Variants in PCDHGA11 observed in about 807,000 individuals in gnomAD.
PCDHGA11 encodes protocadherin gamma subfamily A, 11, also known as protocadherin gamma-A11.
PCDHGA11 carries 39 observed loss-of-function variants against 60.4 expected under a neutral mutation model. The observed-to-expected ratio is 0.65, with a 90% confidence interval of 0.50 to 0.84. The LOEUF (loss-of-function observed/expected upper bound fraction) is 0.84. PCDHGA11 is among the 40% of genes least tolerant of loss of function. The pLI is 0.00. For synonymous variants in PCDHGA11, 533 were observed against 510.3 expected, an observed-to-expected ratio of 1.04 and a Z score of -0.60; for missense variants, 1,165 against 1,197.7, an observed-to-expected ratio of 0.97 and a Z score of 0.40.
chr5:141,501,439 C>G (rs1245306644), intron 2 of PCDHGA11, among the ~76,000 whole-genome samples: 1 of 151,978 alleles, frequency 6.6e-6, no homozygotes, highest in Non-Finnish European at 1.5e-5. Context: ...TCCATTTCTT[C>G]CATTTTTACT....
intron 2 of PCDHGA11, among the ~76,000 whole-genome samples, chr5:141,496,888 TAA>T (rs35063790): frequency 6.7e-5 from 9 of 134,018 alleles, no homozygotes; most frequent in Non-Finnish European, 4.9e-5. Flanking sequence ...AAGTAACACT[TAA>T]AAAAAAAAAA....
Position 141,477,779 on chromosome 5 carries a change from A to G in PCDHGA11, c.2434-17028A>G, listed in dbSNP as rs781567883. ...CCTAGCCACCAACATCAGCGTGAAC[A>G]TATTTGTCACTGATCGCAATGACAA... On this transcript the variant is annotated intron_variant, in intron 1 of 3. Coordinates refer to ENST00000398587, the MANE Select transcript of PCDHGA11 (RefSeq NM_018914.3). This position sits in a 1 kb window ranked among gnomAD's most constrained non-coding sequence, Gnocchi z 4.9. 5.6e-6 allele frequency: 9 copies of G among 1,613,894 alleles called. No homozygotes were observed. Among genetic ancestry groups the G allele is most frequent in the South Asian group, 5.5e-5 (5 of 91,084 alleles).
Position 141,422,811 on chromosome 5 carries a change from C to T in PCDHGA11, c.1584C>T (p.Asp528=), listed in dbSNP as rs748248571. The change falls in exon 1 of 4, where the codon GAC becomes GAT. Residue 528 remains aspartate, a synonymous_variant. Coordinates refer to ENST00000398587, the MANE Select transcript of PCDHGA11 (RefSeq NM_018914.3). ...LQSFDYEQFR[D]LELRVIARDS... ...CCTTCGACTATGAGCAGTTTCGAGACTTAGAACTGAGAGTGATAGCACGTG... is the reference window on the plus strand; with the variant it reads ...CCTTCGACTATGAGCAGTTTCGAGATTTAGAACTGAGAGTGATAGCACGTG... 1 of 1,614,248 alleles carries T rather than the reference C, an allele frequency of 6.2e-7. No homozygotes were observed. Among genetic ancestry groups the T allele is most frequent in the Non-Finnish European group, 8.5e-7 (1 of 1,180,046 alleles).
chr5:141,423,300 G>T lies in PCDHGA11; in HGVS notation c.2073G>T (p.Ser691=). 2 of 1,614,146 alleles carry T rather than the reference G, an allele frequency of 1.2e-6. No homozygotes were observed. The highest frequency in any genetic ancestry group is 1.3e-5 in the African/African-American group (1 of 75,072). The stretch of plus-strand genomic sequence containing the variant: ...CTAACTCTGAAACCTCAGACCTCTC[G>T]CTGTACTTGGTGGTGGCGGTGGCCG... The part of the protein sequence containing the change: ...SLANSETSDL[S]LYLVVAVAAV... The change falls in exon 1 of 4, where the codon TCG becomes TCT. Residue 691 remains serine, a synonymous_variant. Coordinates refer to ENST00000398587, the MANE Select transcript of PCDHGA11 (RefSeq NM_018914.3).
rs1212478322 is a variant in PCDHGA11 at position 141,485,871 on chromosome 5, T to G, written c.2434-8936T>G. ...ACCGCAGAGCTCCGGGTATCCGTGC[T>G]GGACGTAAACGACAACGCCCCAGCC... On this transcript the variant is annotated intron_variant, in intron 1 of 3. Coordinates refer to ENST00000398587, the MANE Select transcript of PCDHGA11 (RefSeq NM_018914.3). The surrounding 1 kb of genome is among the most constrained non-coding windows in gnomAD (Gnocchi z 5.7). 6.2e-7 allele frequency: 1 copy of G among 1,614,196 alleles called. No homozygotes were observed. The highest frequency in any genetic ancestry group is 8.5e-7 in the Non-Finnish European group (1 of 1,180,032).
Position 141,476,176 on chromosome 5 carries a change from G to C in PCDHGA11, c.2434-18631G>C, listed in dbSNP as rs778169270. 1 of 1,613,530 alleles carries C rather than the reference G, an allele frequency of 6.2e-7. No homozygotes were observed. The highest frequency in any genetic ancestry group is 8.5e-7 in the Non-Finnish European group (1 of 1,180,006). On this transcript the variant is annotated intron_variant, in intron 1 of 3. Transcript: ENST00000398587. The surrounding 1 kb of genome is among the most constrained non-coding windows in gnomAD (Gnocchi z 7.6). ...GCACCGGGAGGGTAGTGGGAGTTTT[G>C]CTTCTGCTTGGTGCCTTGAACAAGG...
Position 141,491,573 on chromosome 5 carries a change from T to G in PCDHGA11, c.2434-3234T>G. The G allele has an allele frequency of 6.2e-7, 1 of 1,613,912 alleles. No individual in the cohort carries two copies. The highest frequency in any genetic ancestry group is 8.5e-7 in the Non-Finnish European group (1 of 1,180,030). The stretch of plus-strand genomic sequence containing the variant: ...CAGAGCCACTGCTACAGGACGTGCT[T>G]TTCACCGGCCTCGGACGGCAGTGAC... On this transcript the variant is annotated intron_variant, in intron 1 of 3. Transcript: ENST00000398587. The surrounding 1 kb of genome is among the most constrained non-coding windows in gnomAD (Gnocchi z 6.9).
intron 2 of PCDHGA11, among the ~76,000 whole-genome samples, chr5:141,502,625 T>G (rs2099815384): frequency 6.6e-6 from 1 of 152,210 alleles, no homozygotes; most frequent in Admixed American, 6.5e-5. Context: ...ATAAGTAATC[T>G]GTGGATGATA....
intron 2 of PCDHGA11, among the ~76,000 whole-genome samples, chr5:141,503,203 A>G (rs10477147): frequency 0.037 from 5,590 of 152,130 alleles, 132 homozygotes; most frequent in South Asian, 0.073. Flanking sequence ...TCAGCCTCTC[A>G]GTGCCCACCA....
At chr5:141,460,034 C>T (rs1463167810) in intron 1 of PCDHGA11, among the ~76,000 whole-genome samples, 1 of 152,116 alleles carries the variant, frequency 6.6e-6, no homozygotes, top group African/African-American at 2.4e-5. Context: ...GCCGAGACTG[C>T]ACCACTGCAC....
rs1375121802 is a variant in PCDHGA11 at position 141,432,471 on chromosome 5, G to A, written c.2433+8811G>A. 2 of 1,614,094 alleles carry A rather than the reference G, an allele frequency of 1.2e-6. No homozygotes were observed. Among genetic ancestry groups the A allele is most frequent in the African/African-American group, 2.7e-5 (2 of 74,946 alleles). ...CTGTACCCCGCCCTCCCCACGGACG[G>A]TTCCACTGGCGTGGAGCTGGCTCCC... is the stretch of plus-strand genomic sequence containing the variant. On this transcript the variant is annotated intron_variant, in intron 1 of 3. Coordinates refer to ENST00000398587, the MANE Select transcript of PCDHGA11 (RefSeq NM_018914.3). The surrounding 1 kb of genome is among the most constrained non-coding windows in gnomAD (Gnocchi z 6.0).
At chr5:141,499,835 C>T (rs931946377) in intron 2 of PCDHGA11, among the ~76,000 whole-genome samples, 2 of 151,916 alleles carry the variant, frequency 1.3e-5, no homozygotes, top group Admixed American at 6.6e-5. Flanking sequence ...TACAGGTGTG[C>T]ACCACCACAC....
At position 141,477,379 on chromosome 5, in the gene PCDHGA11, A is replaced by T; in HGVS notation, c.2434-17428A>T. Reference sequence around the variant, plus strand: ...CAGACCTGGATCGGGAGACTGTGCCAGAATACAACCTCAGCATCACCGCCC... The same window carrying T: ...CAGACCTGGATCGGGAGACTGTGCCTGAATACAACCTCAGCATCACCGCCC... On this transcript the variant is annotated intron_variant, in intron 1 of 3. Transcript: ENST00000398587. The surrounding 1 kb of genome is among the most constrained non-coding windows in gnomAD (Gnocchi z 4.9). 1.2e-6 allele frequency: 2 copies of T among 1,614,184 alleles called. No individual in the cohort carries two copies. The highest frequency in any genetic ancestry group is 1.7e-6 in the Non-Finnish European group (2 of 1,180,034).
chr5:141,484,024 A>G (rs769415978), intron 1 of PCDHGA11, among the ~76,000 whole-genome samples: 14 of 150,914 alleles, frequency 9.3e-5, no homozygotes, highest in Non-Finnish European at 1.6e-4. Flanking sequence ...GTGGGGTGAG[A>G]TCAAGTCTCC....
Position 141,486,912 on chromosome 5 carries a change from T to C in PCDHGA11, c.2434-7895T>C. The stretch of plus-strand genomic sequence containing the variant: ...CCTGGTTCCTTATGTCCCCAAGCAC[T>C]GCCTCCATCAGTTGGTGCTGGCCAC... On this transcript the variant is annotated intron_variant, in intron 1 of 3. Coordinates refer to ENST00000398587, the MANE Select transcript of PCDHGA11 (RefSeq NM_018914.3). This position sits in a 1 kb window ranked among gnomAD's most constrained non-coding sequence, Gnocchi z 5.0. The C allele has an allele frequency of 1.2e-6, 2 of 1,614,246 alleles. No homozygotes were observed. Among genetic ancestry groups the C allele is most frequent in the Non-Finnish European group, 1.7e-6 (2 of 1,180,040 alleles).
chr5:141,494,182 C>T (rs188628485), intron 1 of PCDHGA11, among the ~76,000 whole-genome samples: 132 of 152,244 alleles, frequency 8.7e-4, no homozygotes, highest in African/African-American at 3.1e-3. Flanking sequence ...AGAAGTGTCC[C>T]GGGACTTGGA....
intron 1 of PCDHGA11, chr5:141,471,533 G>C (rs921328911): frequency 1.3e-5 from 2 of 152,234 alleles, no homozygotes. Context: ...AGGAAGCTAT[G>C]ATAGCATTTA....
chr5:141,502,679 T>C (rs943238781), intron 2 of PCDHGA11, among the ~76,000 whole-genome samples: 1 of 152,236 alleles, frequency 6.6e-6, no homozygotes, highest in Non-Finnish European at 1.5e-5. Flanking sequence ...TAGTATTCCC[T>C]GATGATCCTT....
intron 1 of PCDHGA11, chr5:141,478,432 G>T (rs1238011675): frequency 6.2e-7 from 1 of 1,613,728 alleles, no homozygotes; most frequent in Admixed American, 1.7e-5. Context: ...GCGACCCGCT[G>T]CTGAAGAAAC....
Sources: gnomAD v4.1 joint callset for allele counts (sites outside exome capture counted in the v4.1 genomes callset) on GRCh38, gnomAD v4.1.1 for gene constraint, Gnocchi (gnomAD v3.1) non-coding constraint, MANE v1.5 for transcripts, NCBI Gene and HGNC (gene_info 2026-07-23, HGNC 2026-07-21) for gene names.